The following MPP7 variants were observed in gnomAD, a reference collection of about 807,000 sequenced individuals.
MPP7 encodes the protein MAGUK p55 subfamily member 7.
Under a neutral mutation model 76.5 loss-of-function variants are expected in MPP7, and 60 were observed. The ratio of observed to expected loss-of-function variants is 0.78; its 90% CI spans 0.64 to 0.97. The LOEUF is 0.97. MPP7 is among the 50% of genes least tolerant of loss of function. The pLI, the probability that MPP7 is intolerant of heterozygous loss-of-function variation, is 0.00. For missense variants in MPP7, 641 were observed against 694.0 expected, an observed-to-expected ratio of 0.92 and a Z score of 0.86; for synonymous variants, 237 against 244.5, an observed-to-expected ratio of 0.97 and a Z score of 0.29.
At chr10:28,256,518 A>T (rs1839791522) in intron 1 of MPP7, among the ~76,000 whole-genome samples, 1 of 152,138 alleles carries the variant, frequency 6.6e-6, no homozygotes, top group Non-Finnish European at 1.5e-5. Context: ...ACAGGAAAAA[A>T]AAGTAATGAC....
chr10:28,081,114 C>T (rs903352318), intron 12 of MPP7, among the ~76,000 whole-genome samples: 1 of 152,222 alleles, frequency 6.6e-6, no homozygotes, highest in African/African-American at 2.4e-5. Context: ...AGTACTGATG[C>T]TCAAGCTAAA....
At chr10:28,103,615 AATT>A (rs776575279) in intron 11 of MPP7, among the ~76,000 whole-genome samples, 2 of 152,070 alleles carry the variant, frequency 1.3e-5, no homozygotes, top group Admixed American at 6.6e-5. Flanking sequence ...CCATCTAACG[AATT>A]ATTCAGCAAT....
chr10:28,123,195 T>C (rs1834898807), intron 8 of MPP7, among the ~76,000 whole-genome samples: 1 of 152,216 alleles, frequency 6.6e-6, no homozygotes, highest in Non-Finnish European at 1.5e-5. Context: ...AGGTTTCCAG[T>C]ATGTTTTCAC....
chr10:28,106,819 C>T (rs557382376), intron 11 of MPP7, among the ~76,000 whole-genome samples: 136 of 152,104 alleles, frequency 8.9e-4, no homozygotes, highest in Non-Finnish European at 1.7e-3. Flanking sequence ...TCAGTGATTC[C>T]GCGTTGCCAA....
intron 3 of MPP7, among the ~76,000 whole-genome samples, chr10:28,162,857 C>T (rs1034699532): frequency 8.6e-5 from 13 of 151,992 alleles, no homozygotes; most frequent in African/African-American, 3.1e-4. Context: ...TTCTTTCTCT[C>T]ACTCTCTCTC....
At chr10:28,119,078 A>T in intron 11 of MPP7, 1 of 985,232 alleles carries the variant, frequency 1.0e-6, no homozygotes, top group South Asian at 4.7e-5. Context: ...GAGAAAAAAA[A>T]GTATTTAAAT....
In MPP7 at chr10:28,103,260, T is replaced by G. The variant is rs113520687; in HGVS notation, c.953-13419A>C. ...GGGGCCTGTGCACATGCATCCTGTC[T>G]TGGTGCCTTTGAACACACTGTCAGG... On this transcript the variant is annotated intron_variant, in intron 11 of 16. Transcript: ENST00000683449. Among the ~76,000 whole-genome samples, 1,063 of 150,388 alleles carry G rather than the reference T, an allele frequency of 7.1e-3. 14 individuals carry two copies. Among genetic ancestry groups the G allele is most frequent in the African/African-American group, 0.025 (1,011 of 40,722 alleles).
chr10:28,158,797 A>C (rs2133813698), intron 3 of MPP7, among the ~76,000 whole-genome samples: 1 of 152,314 alleles, frequency 6.6e-6, no homozygotes, highest in Non-Finnish European at 1.5e-5. Flanking sequence ...CTGTAAGAGA[A>C]ATGCAACATT....
chr10:28,179,167 C>A, intron 3 of MPP7, among the ~76,000 whole-genome samples: 1 of 152,144 alleles, frequency 6.6e-6, no homozygotes, highest in East Asian at 1.9e-4. Flanking sequence ...TGTGAAATTT[C>A]TCCTCCAACA....
chr10:28,131,428 A>T, intron 6 of MPP7, 132 bp downstream of exon 6: 1 of 727,212 alleles, frequency 1.4e-6, no homozygotes, highest in Non-Finnish European at 1.9e-6. Context: ...CATGTTCTTT[A>T]GACATCAATG....
At chr10:28,184,320 A>G (rs1837156368) in intron 3 of MPP7, among the ~76,000 whole-genome samples, 1 of 148,298 alleles carries the variant, frequency 6.7e-6, no homozygotes, top group Non-Finnish European at 1.5e-5. Flanking sequence ...ACATTAAAAT[A>G]TATATCTTTA....
intron 1 of MPP7, among the ~76,000 whole-genome samples, chr10:28,251,457 G>A (rs2132853130): frequency 1.3e-5 from 2 of 151,666 alleles, no homozygotes; most frequent in Non-Finnish European, 2.9e-5. Context: ...ACAAGGCCCT[G>A]TCTCAAAAAA....
intron 12 of MPP7, among the ~76,000 whole-genome samples, chr10:28,089,153 TC>T (rs1853164119): frequency 6.6e-6 from 1 of 152,112 alleles, no homozygotes; most frequent in Non-Finnish European, 1.5e-5. Flanking sequence ...CCTCAAGTGA[TC>T]CTCCCACCCT....
chr10:28,234,418 C>G (rs577046869), intron 2 of MPP7, among the ~76,000 whole-genome samples: 1 of 152,052 alleles, frequency 6.6e-6, no homozygotes, highest in African/African-American at 2.4e-5. Context: ...CTCCTTTACC[C>G]TAAAGGAGGA....
intron 13 of MPP7, among the ~76,000 whole-genome samples, chr10:28,060,437 G>C (rs1457986669): frequency 6.6e-6 from 1 of 152,140 alleles, no homozygotes; most frequent in Non-Finnish European, 1.5e-5. Context: ...CCCACTACAG[G>C]CCATCCTTCC....
At chr10:28,231,534 CCAA>C (rs2134111768) in intron 2 of MPP7, among the ~76,000 whole-genome samples, 1 of 150,906 alleles carries the variant, frequency 6.6e-6, no homozygotes, top group African/African-American at 2.4e-5. Flanking sequence ...GCGAAAATTA[CCAA>C]CATCAGGACC....
At chr10:28,120,736 G>C in intron 8 of MPP7, 68 bp from the exon 9 acceptor site, 1 of 1,265,566 alleles carries the variant, frequency 7.9e-7, no homozygotes, top group South Asian at 1.3e-5. Context: ...AAAATAGGTA[G>C]AAAGTGAAAT....
chr10:28,323,551 A>G (rs1834385717), intron 2 of MPP7, among the ~76,000 whole-genome samples: 1 of 152,074 alleles, frequency 6.6e-6, no homozygotes. Flanking sequence ...CTGCTCTAAG[A>G]ATTGTGAAAT....
intron 3 of MPP7, among the ~76,000 whole-genome samples, chr10:28,162,466 C>T (rs1836293785): frequency 6.6e-6 from 1 of 152,068 alleles, no homozygotes; most frequent in African/African-American, 2.4e-5. Flanking sequence ...TCTGAATCAT[C>T]GTATTCTTCT....
Sources: gnomAD v4.1 joint callset for allele counts (sites outside exome capture counted in the v4.1 genomes callset) on GRCh38, gnomAD v4.1.1 for gene constraint, MANE v1.5 for transcripts, NCBI Gene and HGNC (gene_info 2026-07-23, HGNC 2026-07-21) for gene names.